IMPG1: variants seen among roughly 807,000 people sequenced by gnomAD.
IMPG1 encodes the protein interphotoreceptor matrix proteoglycan of 150 kDa.
Under a neutral mutation model 92.0 loss-of-function variants are expected in IMPG1, and 85 were observed. That is an observed-to-expected ratio of 0.92 (90% CI 0.78 to 1.11). IMPG1 has a LOEUF of 1.11. Among genes scored for constraint, IMPG1 ranks in the 50% least tolerant of loss-of-function variants. The pLI is 0.00. For missense variants in IMPG1, 1,022 were observed against 956.0 expected (o/e 1.07, Z -0.91); for synonymous variants, 367 against 334.1 (o/e 1.10, Z -1.08).
Position 76,011,184 on chromosome 6 carries a change from A to G in IMPG1, c.848T>C (p.Ile283Thr). The stretch of plus-strand genomic sequence containing the variant: ...TACTTACCTAAATCCTAACACATGG[A>G]TTTTTTTGAATCCTGGAAGTTTCTT... ...IFKKLPGFKK[I>T]HVLGFRPKKE... Residue 283 changes from isoleucine to threonine, a missense_variant, in exon 8 of 17, where the codon ATC (isoleucine) becomes ACC (threonine). Physicochemically the swap from Ile to Thr is moderately conservative, Grantham distance 89. Transcript: ENST00000369950. The G allele has an allele frequency of 6.5e-7, 1 of 1,543,898 alleles. No individual in the cohort carries two copies. Among genetic ancestry groups the G allele is most frequent in the Non-Finnish European group, 8.9e-7 (1 of 1,117,724 alleles).
intron 14 of IMPG1, among the ~76,000 whole-genome samples, chr6:75,941,981 C>A (rs1962601): frequency 1.3e-5 from 2 of 152,080 alleles, no homozygotes; most frequent in African/African-American, 2.4e-5. Context: ...GACACTGGAC[C>A]TGAGGTGGGA....
intron 1 of IMPG1, among the ~76,000 whole-genome samples, chr6:76,065,219 C>G (rs919788326): frequency 1.2e-4 from 18 of 152,010 alleles, no homozygotes; most frequent in African/African-American, 4.3e-4. Flanking sequence ...CACTAGCTCT[C>G]CCACAATGGA....
At chr6:75,997,621 G>C (rs1016472965) in intron 12 of IMPG1, among the ~76,000 whole-genome samples, 6 of 152,142 alleles carry the variant, frequency 3.9e-5, no homozygotes, top group Non-Finnish European at 7.3e-5. Flanking sequence ...GAGGAGCTGC[G>C]TGGGTACCAG....
chr6:76,016,965 A>G (rs1783299881), intron 7 of IMPG1, among the ~76,000 whole-genome samples: 1 of 152,186 alleles, frequency 6.6e-6, no homozygotes. Context: ...GTCTCAAGAA[A>G]GGGTGTTGTG....
At chr6:76,062,440 C>G (rs1273480982) in intron 1 of IMPG1, among the ~76,000 whole-genome samples, 1 of 152,068 alleles carries the variant, frequency 6.6e-6, no homozygotes, top group Non-Finnish European at 1.5e-5. Context: ...TACAAAAAGG[C>G]TGATATAAAA....
chr6:76,041,028 A>G (rs78613016), intron 2 of IMPG1, among the ~76,000 whole-genome samples: 7,717 of 152,306 alleles, frequency 0.051, 275 homozygotes, highest in Admixed American at 0.086. Flanking sequence ...AAATCAGTAA[A>G]ACTCTCAACT....
intron 12 of IMPG1, among the ~76,000 whole-genome samples, chr6:75,981,917 C>T (rs1315460462): frequency 6.6e-6 from 1 of 152,234 alleles, no homozygotes; most frequent in East Asian, 1.9e-4. Flanking sequence ...TATTACTCAT[C>T]CTCAAGTGAT....
chr6:76,046,852 C>T (rs1172433024), intron 1 of IMPG1, among the ~76,000 whole-genome samples: 1 of 152,088 alleles, frequency 6.6e-6, no homozygotes, highest in Non-Finnish European at 1.5e-5. Context: ...CTTTCCTTAC[C>T]CCCCTTTTCT....
intron 2 of IMPG1, among the ~76,000 whole-genome samples, chr6:76,036,202 G>A (rs551775761): frequency 6.6e-6 from 1 of 152,234 alleles, no homozygotes; most frequent in African/African-American, 2.4e-5. Flanking sequence ...TAAAATTGAT[G>A]TTAAACTTTG....
intron 8 of IMPG1, among the ~76,000 whole-genome samples, chr6:76,010,207 T>C (rs1476165177): frequency 6.6e-6 from 1 of 152,242 alleles, no homozygotes; most frequent in Non-Finnish European, 1.5e-5. Context: ...GCCCTTGCTC[T>C]GTACATCTTC....
At chr6:75,997,262 C>A (rs1470321884) in intron 12 of IMPG1, among the ~76,000 whole-genome samples, 2 of 152,144 alleles carry the variant, frequency 1.3e-5, no homozygotes, top group African/African-American at 4.8e-5. Context: ...GTTAGGAAAA[C>A]CTTGCTCCCT....
intron 12 of IMPG1, among the ~76,000 whole-genome samples, chr6:75,988,405 C>T (rs1026103292): frequency 1.3e-5 from 2 of 152,190 alleles, no homozygotes; most frequent in Admixed American, 1.3e-4. Flanking sequence ...TGTCTGTTGG[C>T]TGCATAAATG....
chr6:76,049,223 G>C (rs1202114836), intron 1 of IMPG1, among the ~76,000 whole-genome samples: 1 of 152,074 alleles, frequency 6.6e-6, no homozygotes, highest in Non-Finnish European at 1.5e-5. Context: ...GAGAGGATCA[G>C]AAAAAATAAC....
chr6:75,934,844 C>G (rs934859924), intron 14 of IMPG1: 1 of 420,816 alleles, frequency 2.4e-6, no homozygotes, highest in African/African-American at 2.0e-5. Flanking sequence ...GCATGTCCTA[C>G]TGGCTGTGTG....
rs535037976 is a variant in IMPG1 at position 76,024,334 on chromosome 6, C to G, written c.562+860G>C. Among the ~76,000 whole-genome samples the G allele has an allele frequency of 7.2e-5, 11 of 152,182 alleles. No individual in the cohort carries two copies. In the South Asian group the frequency reaches 2.3e-3, roughly 32 times the overall value. On this transcript the variant is annotated intron_variant, in intron 5 of 16. Transcript: ENST00000369950. Reference sequence around the variant, plus strand: ...AAACATTATTCACATTACCAAAAATCAAATGAACTGGGGAACACATTGCCC... The same window carrying G: ...AAACATTATTCACATTACCAAAAATGAAATGAACTGGGGAACACATTGCCC...
intron 2 of IMPG1, among the ~76,000 whole-genome samples, chr6:76,038,773 A>G (rs1260924682): frequency 6.6e-6 from 1 of 152,192 alleles, no homozygotes; most frequent in Non-Finnish European, 1.5e-5. Context: ...CTGAAATCTG[A>G]TCACAGAACA....
Position 75,950,973 on chromosome 6 carries a change from G to T in IMPG1, c.1413C>A (p.Asp471Glu), listed in dbSNP as rs116034261. Residue 471 changes from aspartate to glutamate, a missense_variant, in exon 13 of 17, where the codon GAC becomes GAA. This residue lies in a region of IMPG1 where 681 missense variants were observed against 583.6 expected (regional missense o/e 1.17). Coordinates refer to ENST00000369950, the MANE Select transcript of IMPG1 (RefSeq NM_001563.4). The stretch of plus-strand genomic sequence containing the variant: ...TGAGCCCTGGTACTAGCATTGTCTG[G>T]TCAGTGGCCATTGTATCTGTGGTGC... ...DQGTTDTMAT[D>E]QTMLVPGLTI... 6.2e-7 allele frequency: 1 copy of T among 1,613,938 alleles called. No individual in the cohort carries two copies. Among genetic ancestry groups the T allele is most frequent in the Admixed American group, 1.7e-5 (1 of 59,976 alleles).
In IMPG1 at chr6:76,011,201, A is replaced by T. The variant is rs751117208; in HGVS notation, c.831T>A (p.Leu277=). 3 of 1,552,786 alleles carry T rather than the reference A, an allele frequency of 1.9e-6. No homozygotes were observed. Among genetic ancestry groups the T allele is most frequent in the Non-Finnish European group, 1.8e-6 (2 of 1,125,602 alleles). ...ACACATGGATTTTTTTGAATCCTGG[A>T]AGTTTCTTAAATATCTTTTGCATCT... is the stretch of plus-strand genomic sequence containing the variant. ...QLQMQKIFKK[L]PGFKKIHVLG... is the part of the protein sequence containing the mutation. Residue 277 remains leucine (L), a synonymous_variant, in exon 8 of 17, where the codon CTT becomes CTA. Coordinates refer to ENST00000369950, the MANE Select transcript of IMPG1 (RefSeq NM_001563.4).
intron 1 of IMPG1, among the ~76,000 whole-genome samples, chr6:76,063,894 G>T (rs1784254752): frequency 6.6e-6 from 1 of 152,194 alleles, no homozygotes; most frequent in Non-Finnish European, 1.5e-5. Context: ...GTGCTTTCTG[G>T]TGCTCAAGAG....
Sources: allele counts gnomAD v4.1 joint callset (sites outside exome capture counted in the v4.1 genomes callset), GRCh38; gene constraint gnomAD v4.1.1; regional missense constraint gnomAD v4.1.1; transcripts MANE v1.5; gene names NCBI Gene and HGNC (gene_info 2026-07-23, HGNC 2026-07-21).